Variants in NEK10 observed in about 807,000 individuals in gnomAD.
NEK10 encodes NIMA related kinase 10, also known as serine/threonine-protein kinase Nek10.
In NEK10, 122 loss-of-function variants were observed where a neutral mutation model predicts 159.8. That is an observed-to-expected ratio of 0.76 (90% CI 0.66 to 0.89). The LOEUF is 0.89. Ranked by LOEUF, NEK10 falls within the 40% of genes least tolerant of loss-of-function variation. The probability of loss-of-function intolerance (pLI) is 0.00; values close to 1 mark genes in which losing one functional copy is unlikely to be tolerated. For synonymous variants in NEK10, 466 were observed against 457.1 expected (o/e 1.02, Z -0.25); for missense variants, 1,342 against 1,323.1 (o/e 1.01, Z -0.22).
At chr3:27,363,591 T>C (rs2048838701) in intron 1 of NEK10, 1 of 152,136 alleles carries the variant, frequency 6.6e-6, no homozygotes, top group African/African-American at 2.4e-5. Context: ...TATCCAGTGA[T>C]TGCAGCATGT....
chr3:27,258,788 C>T (rs958640442), intron 22 of NEK10, among the ~76,000 whole-genome samples: 4 of 152,154 alleles, frequency 2.6e-5, no homozygotes, highest in Admixed American at 6.5e-5. Context: ...CCTGAGGAAT[C>T]GCCACACTGA....
intron 23 of NEK10, among the ~76,000 whole-genome samples, chr3:27,240,783 A>T (rs1954467721): frequency 6.6e-6 from 1 of 151,554 alleles, no homozygotes; most frequent in Admixed American, 6.6e-5. Context: ...TCCCGAGTAG[A>T]TGAGATTAAA....
At chr3:27,169,140 T>C (rs1033621687) in intron 29 of NEK10, among the ~76,000 whole-genome samples, 5 of 152,190 alleles carry the variant, frequency 3.3e-5, no homozygotes, top group Admixed American at 2.0e-4. Context: ...ATTCATCTGA[T>C]TGGAAATTGT....
intron 23 of NEK10, chr3:27,215,559 T>A: frequency 2.1e-6 from 1 of 467,356 alleles, no homozygotes; most frequent in Non-Finnish European, 3.8e-6. Flanking sequence ...CTTCTTTCCT[T>A]GGATGTTGGC....
At chr3:27,290,962 A>G (rs1490657847) in intron 18 of NEK10, among the ~76,000 whole-genome samples, 1 of 152,190 alleles carries the variant, frequency 6.6e-6, no homozygotes, top group Non-Finnish European at 1.5e-5. Context: ...AGTCTGCAAT[A>G]CTTAGTAGCA....
At chr3:27,345,183 C>A (rs923226088) in intron 4 of NEK10, among the ~76,000 whole-genome samples, 3 of 152,092 alleles carry the variant, frequency 2.0e-5, no homozygotes, top group African/African-American at 7.2e-5. Flanking sequence ...AGGTGTGTAA[C>A]CTTATGTTGC....
At chr3:27,156,542 T>C (rs1945441276) in intron 30 of NEK10, among the ~76,000 whole-genome samples, 1 of 151,750 alleles carries the variant, frequency 6.6e-6, no homozygotes, top group African/African-American at 2.4e-5. Flanking sequence ...CCAACGAACA[T>C]ACGAAAAAAT....
intron 32 of NEK10, among the ~76,000 whole-genome samples, chr3:27,125,856 GAAA>G (rs997288659): frequency 3.9e-5 from 6 of 152,226 alleles, no homozygotes; most frequent in African/African-American, 1.4e-4. Flanking sequence ...AAAGAAGGCT[GAAA>G]AACCACTGTT....
In NEK10 at chr3:27,196,326, C is replaced by T. The variant is rs149002285; in HGVS notation, c.2292-4084G>A. On this transcript the variant is annotated intron_variant, in intron 25 of 35. Coordinates refer to ENST00000691995, the MANE Select transcript of NEK10 (RefSeq NM_001394966.1). ...CCTTAAAAGGGACAGGAACTGCTCA[C>T]TCAGGGAGCTCAGTTTTTGGAGACG... Among the ~76,000 whole-genome samples the T allele has an allele frequency of 1.9e-3, 292 of 152,332 alleles. 2 individuals carry two copies. Among genetic ancestry groups the T allele is most frequent in the Non-Finnish European group, 3.6e-3 (243 of 68,024 alleles).
chr3:27,170,844 T>C (rs1399572471), intron 29 of NEK10, among the ~76,000 whole-genome samples: 1 of 152,150 alleles, frequency 6.6e-6, no homozygotes, highest in East Asian at 1.9e-4. Context: ...AAAGAAGGCG[T>C]TGCCACTCAT....
chr3:27,282,092 A>G (rs1287466595), intron 22 of NEK10, among the ~76,000 whole-genome samples: 1 of 152,192 alleles, frequency 6.6e-6, no homozygotes, highest in East Asian at 1.9e-4. Context: ...GACTTAACAT[A>G]AAATTCTGCT....
At chr3:27,191,441 G>A (rs1184043667) in intron 26 of NEK10, among the ~76,000 whole-genome samples, 1 of 152,216 alleles carries the variant, frequency 6.6e-6, no homozygotes, top group African/African-American at 2.4e-5. Flanking sequence ...GAGCATCACT[G>A]GCACCATTGC....
intron 6 of NEK10, 39 bp downstream of exon 6, chr3:27,322,137 TA>T: frequency 9.4e-7 from 1 of 1,066,262 alleles, no homozygotes; most frequent in Non-Finnish European, 1.4e-6. Context: ...ATTACAACTT[TA>T]TAACAAGTAA....
At chr3:27,294,399 G>A (rs974933230) in intron 15 of NEK10, among the ~76,000 whole-genome samples, 2 of 152,198 alleles carry the variant, frequency 1.3e-5, no homozygotes, top group African/African-American at 4.8e-5. Context: ...AGAGAGGTGA[G>A]GCCGGTAACA....
intron 23 of NEK10, among the ~76,000 whole-genome samples, chr3:27,214,443 C>G (rs1951294439): frequency 6.6e-6 from 1 of 152,154 alleles, no homozygotes; most frequent in African/African-American, 2.4e-5. Context: ...TGCACTAAAT[C>G]GCTAGTTTCC....
At chr3:27,358,364 G>A (rs957659301) in intron 1 of NEK10, among the ~76,000 whole-genome samples, 2 of 152,172 alleles carry the variant, frequency 1.3e-5, no homozygotes, top group Admixed American at 1.3e-4. Flanking sequence ...AAACCTCAGG[G>A]TTTGGTGCGT....
intron 23 of NEK10, among the ~76,000 whole-genome samples, chr3:27,238,017 C>T (rs929499504): frequency 1.3e-5 from 2 of 152,126 alleles, no homozygotes; most frequent in Non-Finnish European, 2.9e-5. Flanking sequence ...TATTCACCAA[C>T]AAGTGTAGTC....
Position 27,312,184 on chromosome 3 carries a change from G to A in NEK10, c.490-7C>T. 1 of 1,581,208 alleles carries A rather than the reference G, an allele frequency of 6.3e-7. No individual in the cohort carries two copies. The highest frequency in any genetic ancestry group is 1.4e-5 in the African/African-American group (1 of 74,060). The stretch of plus-strand genomic sequence containing the variant: ...TGGCTACAATCTCCATATACTGCAT[G>A]AAGGACCAAACCAACAAGCCAGTCA... On this transcript the variant is annotated splice_region_variant and splice_polypyrimidine_tract_variant and intron_variant, in intron 7 of 35. Coordinates refer to ENST00000691995, the MANE Select transcript of NEK10 (RefSeq NM_001394966.1).
intron 32 of NEK10, among the ~76,000 whole-genome samples, chr3:27,120,645 T>C (rs1043389921): frequency 6.6e-6 from 1 of 152,148 alleles, no homozygotes; most frequent in South Asian, 2.1e-4. Flanking sequence ...AGTTTCTTAA[T>C]ACATTTTTCG....
Sources: gnomAD v4.1 joint callset for allele counts (sites outside exome capture counted in the v4.1 genomes callset) on GRCh38, gnomAD v4.1.1 for gene constraint, MANE v1.5 for transcripts, NCBI Gene and HGNC (gene_info 2026-07-23, HGNC 2026-07-21) for gene names.